CADM1: variants seen among roughly 807,000 people sequenced by gnomAD.
CADM1 encodes the protein TSLC-1.
Under a neutral mutation model 53.1 loss-of-function variants are expected in CADM1, and 15 were observed. The ratio of observed to expected loss-of-function variants is 0.28; its 90% confidence interval spans 0.19 to 0.44. CADM1 has a LOEUF of 0.44. CADM1 is among the 20% of genes least tolerant of loss of function. The pLI is 1.00. For synonymous variants in CADM1, 281 were observed against 243.0 expected (o/e 1.16, Z -1.45); for missense variants, 434 against 611.3 (o/e 0.71, Z 3.06).
At chr11:115,244,952 C>G (rs565189291) in intron 1 of CADM1, among the ~76,000 whole-genome samples, 3 of 152,218 alleles carry the variant, frequency 2.0e-5, no homozygotes, top group Non-Finnish European at 4.4e-5. Context: ...GCCAGCACCA[C>G]AAGCTCTCGC....
intron 1 of CADM1, among the ~76,000 whole-genome samples, chr11:115,302,105 T>C (rs1181397592): frequency 2.0e-5 from 3 of 151,814 alleles, no homozygotes; most frequent in Admixed American, 6.6e-5. Flanking sequence ...TGTTCATTAC[T>C]ACACACGGAC....
At chr11:115,295,506 TTATATATATATA>T (rs71066412) in intron 1 of CADM1, among the ~76,000 whole-genome samples, 1,581 of 54,996 alleles carry the variant, frequency 0.029, 26 homozygotes, top group South Asian at 0.043. Context: ...TCAAGATATT[TTATATATATATA>T]TATATATATA....
At chr11:115,267,189 G>A (rs552059855) in intron 1 of CADM1, among the ~76,000 whole-genome samples, 36 of 152,322 alleles carry the variant, frequency 2.4e-4, no homozygotes, top group South Asian at 1.9e-3. Flanking sequence ...AAATTCCAGC[G>A]GGTTAAATGT....
intron 1 of CADM1, among the ~76,000 whole-genome samples, chr11:115,256,489 G>A (rs999080807): frequency 2.0e-5 from 3 of 152,136 alleles, no homozygotes; most frequent in African/African-American, 4.8e-5. Flanking sequence ...TGTGCCATCC[G>A]GATATAGGCT....
At chr11:115,460,216 T>G (rs1948765471) in intron 1 of CADM1, among the ~76,000 whole-genome samples, 1 of 152,192 alleles carries the variant, frequency 6.6e-6, no homozygotes, top group South Asian at 2.1e-4. Flanking sequence ...ACACAAGGGT[T>G]GAAGGACACC....
intron 1 of CADM1, among the ~76,000 whole-genome samples, chr11:115,497,950 T>C (rs1441919107): frequency 1.4e-5 from 2 of 144,104 alleles, no homozygotes; most frequent in Non-Finnish European, 3.0e-5. Flanking sequence ...AGTCCATATT[T>C]AATGAAATTT....
At chr11:115,426,786 C>T (rs188348631) in intron 1 of CADM1, among the ~76,000 whole-genome samples, 86 of 152,050 alleles carry the variant, frequency 5.7e-4, no homozygotes, top group African/African-American at 1.9e-3. Context: ...GGATAATTTC[C>T]GTTAAAATGA....
intron 1 of CADM1, among the ~76,000 whole-genome samples, chr11:115,259,397 C>T (rs530189965): frequency 6.9e-6 from 1 of 145,980 alleles, no homozygotes; most frequent in South Asian, 2.2e-4. Context: ...CCTCTGCCTC[C>T]CAGGTTTAAG....
At chr11:115,385,683 C>A (rs1946683778) in intron 1 of CADM1, among the ~76,000 whole-genome samples, 1 of 148,272 alleles carries the variant, frequency 6.7e-6, no homozygotes, top group Non-Finnish European at 1.5e-5. Flanking sequence ...CTGGGGCTAA[C>A]TTAATCAAGA....
intron 1 of CADM1, among the ~76,000 whole-genome samples, chr11:115,393,832 ATAAAC>A (rs1162517069): frequency 6.6e-6 from 1 of 152,222 alleles, no homozygotes; most frequent in Non-Finnish European, 1.5e-5. Flanking sequence ...TACCATGAAT[ATAAAC>A]TAAAGTTACT....
intron 1 of CADM1, among the ~76,000 whole-genome samples, chr11:115,453,367 C>T (rs221315): frequency 1.4e-5 from 2 of 147,616 alleles, no homozygotes; most frequent in Admixed American, 6.8e-5. Context: ...CCCTATACCC[C>T]CCTCGCCCCC....
At chr11:115,374,275 G>A (rs1186827451) in intron 1 of CADM1, among the ~76,000 whole-genome samples, 1 of 152,136 alleles carries the variant, frequency 6.6e-6, no homozygotes, top group African/African-American at 2.4e-5. Context: ...TTGAGCATCA[G>A]TAAGAATAAT....
intron 1 of CADM1, among the ~76,000 whole-genome samples, chr11:115,332,134 T>C (rs1333210970): frequency 1.3e-5 from 2 of 152,136 alleles, no homozygotes; most frequent in African/African-American, 4.8e-5. Context: ...ACCATCTGAA[T>C]AGTTGTGGGC....
chr11:115,339,140 G>T (rs1048278722), intron 1 of CADM1, among the ~76,000 whole-genome samples: 2 of 145,656 alleles, frequency 1.4e-5, no homozygotes, highest in Non-Finnish European at 1.5e-5. Context: ...GTGAGAATAT[G>T]CGGTGTTTGG....
At chr11:115,347,200 C>A (rs1165419779) in intron 1 of CADM1, among the ~76,000 whole-genome samples, 1 of 152,164 alleles carries the variant, frequency 6.6e-6, no homozygotes, top group Non-Finnish European at 1.5e-5. Flanking sequence ...GACAAGCAGG[C>A]TTCCTGCGCC....
rs1208178602 is a variant in CADM1, at chr11:115,268,963, T to G, written c.125-28543A>C. Among the ~76,000 whole-genome samples, 4 of 152,136 alleles carry G rather than the reference T, an allele frequency of 2.6e-5. No homozygotes were observed. In the East Asian group the frequency reaches 7.7e-4, roughly 29 times the overall value. ...CATCACCATATTGCGCTCTTCTGGT[T>G]GGCTACGTGGCCCAGCAGGAGGTAA... is the stretch of plus-strand genomic sequence containing the variant. On this transcript the variant is annotated intron_variant, in intron 1 of 11. Transcript: ENST00000331581.
Position 115,188,249 on chromosome 11 carries a change from G to A in CADM1, c.1165+2639C>T, listed in dbSNP as rs1939672065. Among the ~76,000 whole-genome samples, 5 of 152,182 alleles carry A rather than the reference G, an allele frequency of 3.3e-5. No individual in the cohort carries two copies. In the South Asian group the frequency reaches 1.0e-3, roughly 31 times the overall value. On this transcript the variant is annotated intron_variant, in intron 10 of 11. Transcript: ENST00000331581. The stretch of plus-strand genomic sequence containing the variant: ...CAGCTGTCACCAGGAAAGAGCAGAT[G>A]TAATTGACAAAACAATTCAAAACTC...
At chr11:115,312,094 A>C (rs1043208133) in intron 1 of CADM1, among the ~76,000 whole-genome samples, 4 of 152,176 alleles carry the variant, frequency 2.6e-5, no homozygotes, top group African/African-American at 9.6e-5. Flanking sequence ...TACAGAAGAG[A>C]GAAATGTAAA....
chr11:115,470,345 T>G (rs1029756861), intron 1 of CADM1, among the ~76,000 whole-genome samples: 5 of 152,192 alleles, frequency 3.3e-5, no homozygotes, highest in African/African-American at 1.2e-4. Flanking sequence ...CTGATTAAAC[T>G]AGCCATTGGC....
Sources: allele counts gnomAD v4.1 joint callset (sites outside exome capture counted in the v4.1 genomes callset), GRCh38; gene constraint gnomAD v4.1.1; transcripts MANE v1.5; gene names NCBI Gene and HGNC (gene_info 2026-07-23, HGNC 2026-07-21).